PAX7: variants seen among roughly 807,000 people sequenced by gnomAD.
PAX7 encodes the protein paired box protein Pax-7.
PAX7 carries 18 observed loss-of-function variants against 50.7 expected under a neutral mutation model. The ratio of observed to expected loss-of-function variants is 0.36; its 90% CI spans 0.25 to 0.53. The LOEUF is 0.53. PAX7 is among the 20% of genes least tolerant of loss of function. The probability of loss-of-function intolerance (pLI) is 0.93; values close to 1 mark genes in which losing one functional copy is unlikely to be tolerated. For synonymous variants in PAX7, 310 were observed against 290.4 expected, an observed-to-expected ratio of 1.07 and a Z score of -0.69; for missense variants, 644 against 702.9, an observed-to-expected ratio of 0.92 and a Z score of 0.95.
At position 18,634,560 on chromosome 1, in the gene PAX7, G is replaced by A. The variant is rs776487727; in HGVS notation, c.321+22G>A. 6 of 1,601,858 alleles carry A rather than the reference G, an allele frequency of 3.7e-6. No homozygotes were observed. The highest frequency in any genetic ancestry group is 5.1e-6 in the Non-Finnish European group (6 of 1,170,142). ...CAGAGTGAGTGTCTTTGCCACAGAG[G>A]CTGGCAGCTGGCTTCCTATAGTCGG... On this transcript the variant is annotated intron_variant, in intron 2 of 8. Coordinates refer to ENST00000420770, the MANE Select transcript of PAX7 (RefSeq NM_001135254.2). The surrounding 1 kb of genome is among the most constrained non-coding windows in gnomAD (Gnocchi z 4.0).
chr1:18,696,586 T>C (rs2089153068), intron 5 of PAX7, among the ~76,000 whole-genome samples: 2 of 152,242 alleles, frequency 1.3e-5, no homozygotes, highest in South Asian at 4.1e-4. Context: ...TGAGATCCTG[T>C]CGTTTGCAAC....
At chr1:18,695,017 C>T (rs1269651719) in intron 5 of PAX7, among the ~76,000 whole-genome samples, 1 of 152,038 alleles carries the variant, frequency 6.6e-6, no homozygotes, top group Admixed American at 6.5e-5. Flanking sequence ...ATTTTCCAAT[C>T]GTATAATATC....
chr1:18,736,764 GT>G (rs1366340185), intron 8 of PAX7, among the ~76,000 whole-genome samples: 2 of 152,224 alleles, frequency 1.3e-5, no homozygotes, highest in African/African-American at 4.8e-5. Context: ...CAAATTGTAA[GT>G]TTTCCAACTA....
intron 5 of PAX7, among the ~76,000 whole-genome samples, chr1:18,698,876 G>T (rs897948005): frequency 1.3e-5 from 2 of 152,050 alleles, no homozygotes; most frequent in African/African-American, 4.8e-5. Context: ...TTTCCCACCC[G>T]GGAAGGATGG....
intron 4 of PAX7, among the ~76,000 whole-genome samples, chr1:18,669,101 G>T (rs1368932584): frequency 6.6e-6 from 1 of 152,208 alleles, no homozygotes; most frequent in African/African-American, 2.4e-5. Flanking sequence ...GAGGGATCGG[G>T]GGCCAAGGGA....
intron 4 of PAX7, among the ~76,000 whole-genome samples, chr1:18,658,905 T>C (rs1257219761): frequency 6.6e-6 from 1 of 152,190 alleles, no homozygotes; most frequent in Non-Finnish European, 1.5e-5. Flanking sequence ...ACTCCAAAAT[T>C]TCCTTCATTT....
chr1:18,724,288 A>G (rs181625319), intron 7 of PAX7, among the ~76,000 whole-genome samples: 1 of 152,346 alleles, frequency 6.6e-6, no homozygotes, highest in African/African-American at 2.4e-5. Context: ...TCACTGGGGC[A>G]CAGGCCAGTG....
intron 7 of PAX7, among the ~76,000 whole-genome samples, chr1:18,714,906 G>A (rs1259250026): frequency 2.0e-5 from 3 of 152,212 alleles, no homozygotes; most frequent in Non-Finnish European, 4.4e-5. Context: ...GACTGGGGAC[G>A]AGACAGTACA....
intron 4 of PAX7, among the ~76,000 whole-genome samples, chr1:18,643,859 G>C (rs1347300496): frequency 6.6e-6 from 1 of 152,222 alleles, no homozygotes; most frequent in Non-Finnish European, 1.5e-5. Context: ...CCCGAGGCGG[G>C]AGGCCGGGTT....
At chr1:18,725,536 G>C (rs557975086) in intron 7 of PAX7, among the ~76,000 whole-genome samples, 96 of 152,326 alleles carry the variant, frequency 6.3e-4, no homozygotes, top group African/African-American at 2.1e-3. Context: ...CCGCAGAAGA[G>C]GGGGAGCAGG....
rs1023242370 is a variant in PAX7, at chr1:18,747,066, A to T, written c.*2137A>T. 2.2e-5 allele frequency: 5 copies of T among 229,674 alleles called. No individual in the cohort carries two copies. Among genetic ancestry groups the T allele is most frequent in the African/African-American group, 8.9e-5 (4 of 45,126 alleles). 14.2% of individuals were successfully genotyped at this position (229,674 alleles called of 1,614,324 possible). On this transcript the variant is annotated 3_prime_UTR_variant, in exon 9 of 9. Coordinates refer to ENST00000420770, the MANE Select transcript of PAX7 (RefSeq NM_001135254.2). ...CAGTCCCTGCTTTTGTAGCTATCACAGCAGAAAGCAACTCTTCCTGAAGAC... is the reference window on the plus strand; with the variant it reads ...CAGTCCCTGCTTTTGTAGCTATCACTGCAGAAAGCAACTCTTCCTGAAGAC...
intron 5 of PAX7, among the ~76,000 whole-genome samples, chr1:18,696,792 G>C (rs939555703): frequency 4.6e-5 from 7 of 152,004 alleles, no homozygotes; most frequent in Admixed American, 2.0e-4. Flanking sequence ...GATGGTTAAC[G>C]GGTTCAAAAA....
At position 18,634,390 on chromosome 1, in the gene PAX7, A is replaced by G. The variant is rs758697873; in HGVS notation, c.173A>G (p.Lys58Arg). The G allele has an allele frequency of 6.2e-7, 1 of 1,614,160 alleles. No individual in the cohort carries two copies. The highest frequency in any genetic ancestry group is 1.1e-5 in the South Asian group (1 of 91,076). Residue 58 changes from lysine to arginine, a missense_variant, in exon 2 of 9, where the codon AAG becomes AGG. Physicochemically the swap from Lys to Arg is conservative, Grantham distance 26 (BLOSUM62 2). Transcript: ENST00000420770. The surrounding 1 kb of genome is among the most constrained non-coding windows in gnomAD (Gnocchi z 4.0). ...GRPLPNHIRH[K>R]IVEMAHHGIR... Reference sequence around the variant, plus strand: ...CCCCTGCCTAACCACATCCGCCACAAGATAGTGGAGATGGCCCACCATGGC... The same window carrying G: ...CCCCTGCCTAACCACATCCGCCACAGGATAGTGGAGATGGCCCACCATGGC...
At position 18,635,493 on chromosome 1, in the gene PAX7, A is replaced by AGAAGGAAGGAAGGAAGGAAG. The variant is rs759818785; in HGVS notation, c.451+270_451+271insAAGGAAGGAAGGAAGGAAGG. ...GGAGAGAGAAATAAGAAAGGGAGGA[A>AGAAGGAAGGAAGGAAGGAAG]GAAGGAAGGAAGGAAGGTAGGAAGG... is the stretch of plus-strand genomic sequence containing the variant. On this transcript the variant is annotated intron_variant, in intron 3 of 8. Coordinates refer to ENST00000420770, the MANE Select transcript of PAX7 (RefSeq NM_001135254.2). Among the ~76,000 whole-genome samples the AGAAGGAAGGAAGGAAGGAAG allele has an allele frequency of 6.8e-4, 47 of 68,824 alleles. 1 individual carries two copies. The highest frequency in any genetic ancestry group is 3.3e-3 in the African/African-American group (44 of 13,408). The allele number at this position is 68,824 out of a possible 152,430, so 45.2% of individuals were successfully genotyped here.
chr1:18,639,713 G>A (rs150128442), intron 4 of PAX7, among the ~76,000 whole-genome samples: 9 of 152,284 alleles, frequency 5.9e-5, no homozygotes, highest in Admixed American at 1.3e-4. Flanking sequence ...GGGTCAAACC[G>A]TTCCTCAGTG....
chr1:18,645,439 A>G (rs2088323872), intron 4 of PAX7, among the ~76,000 whole-genome samples: 1 of 152,294 alleles, frequency 6.6e-6, no homozygotes, highest in East Asian at 1.9e-4. Context: ...TCCACCCTAA[A>G]CTTTTCTGGG....
intron 4 of PAX7, among the ~76,000 whole-genome samples, chr1:18,639,470 C>A (rs1282793575): frequency 6.6e-6 from 1 of 151,630 alleles, no homozygotes; most frequent in Non-Finnish European, 1.5e-5. Flanking sequence ...CAGACCGTTG[C>A]CGATAGGTGC....
rs967413545 is a variant in PAX7 at position 18,632,959 on chromosome 1, T to C, written c.85+1271T>C. Among the ~76,000 whole-genome samples the C allele has an allele frequency of 9.9e-5, 15 of 152,142 alleles. No homozygotes were observed. Among genetic ancestry groups the C allele is most frequent in the Non-Finnish European group, 2.2e-4 (15 of 68,026 alleles). On this transcript the variant is annotated intron_variant, in intron 1 of 8. Transcript: ENST00000420770. The surrounding 1 kb of genome is among the most constrained non-coding windows in gnomAD (Gnocchi z 6.3). ...GGATTAGAACAATATTTGCCCAACA[T>C]GACGCAGAATACTGAGGAGAGCCGA...
chr1:18,718,423 A>G (rs1192524823), intron 7 of PAX7, among the ~76,000 whole-genome samples: 1 of 152,158 alleles, frequency 6.6e-6, no homozygotes, highest in Non-Finnish European at 1.5e-5. Flanking sequence ...AGAGCCTGTT[A>G]TAGTAGGTCC....
Sources: allele counts gnomAD v4.1 joint callset (sites outside exome capture counted in the v4.1 genomes callset), GRCh38; gene constraint gnomAD v4.1.1; non-coding constraint Gnocchi (gnomAD v3.1); transcripts MANE v1.5; gene names NCBI Gene and HGNC (gene_info 2026-07-23, HGNC 2026-07-21).